WDFY2: variants seen among roughly 807,000 people sequenced by gnomAD.
WDFY2 encodes WD repeat and FYVE domain containing 2.
In WDFY2, 36 loss-of-function variants were observed where a neutral mutation model predicts 56.4. The observed-to-expected ratio is 0.64, with a 90% confidence interval of 0.49 to 0.84. WDFY2 has a LOEUF of 0.84. WDFY2 is among the 40% of genes least tolerant of loss of function. The probability of loss-of-function intolerance (pLI) is 0.00; values close to 1 mark genes in which losing one functional copy is unlikely to be tolerated. For missense variants in WDFY2, 444 were observed against 512.2 expected (o/e 0.87, Z 1.29); for synonymous variants, 176 against 183.7 (o/e 0.96, Z 0.34).
intron 1 of WDFY2, among the ~76,000 whole-genome samples, chr13:51,650,440 T>TC (rs1469112020): frequency 1.3e-5 from 2 of 152,170 alleles, no homozygotes; most frequent in Non-Finnish European, 2.9e-5. Flanking sequence ...GGCCAGAACT[T>TC]CAACACTATG....
chr13:51,627,128 C>G (rs1954849787), intron 1 of WDFY2, among the ~76,000 whole-genome samples: 1 of 152,164 alleles, frequency 6.6e-6, no homozygotes, highest in South Asian at 2.1e-4. Flanking sequence ...GCACCTGTGT[C>G]CAGATGAGGG....
intron 4 of WDFY2, among the ~76,000 whole-genome samples, chr13:51,704,767 A>G (rs1248853567): frequency 6.6e-6 from 1 of 152,214 alleles, no homozygotes; most frequent in Non-Finnish European, 1.5e-5. Flanking sequence ...AAATATATGC[A>G]ATTATTATTT....
At chr13:51,642,745 A>G (rs1490680729) in intron 1 of WDFY2, among the ~76,000 whole-genome samples, 2 of 145,744 alleles carry the variant, frequency 1.4e-5, no homozygotes, top group African/African-American at 2.6e-5. Flanking sequence ...CAGTGGTGCA[A>G]TCTCACCTCA....
intron 7 of WDFY2, among the ~76,000 whole-genome samples, chr13:51,746,816 G>C (rs558693183): frequency 3.9e-5 from 6 of 152,284 alleles, no homozygotes; most frequent in Non-Finnish European, 7.4e-5. Context: ...CAGTATTCCA[G>C]ACAAATAACC....
intron 6 of WDFY2, among the ~76,000 whole-genome samples, chr13:51,737,947 T>C (rs149299074): frequency 8.3e-4 from 127 of 152,350 alleles, no homozygotes; most frequent in African/African-American, 2.9e-3. Context: ...ATAGTAGAGT[T>C]TGGGGTTCCC....
intron 1 of WDFY2, among the ~76,000 whole-genome samples, chr13:51,633,594 A>G (rs548173819): frequency 2.6e-5 from 4 of 152,076 alleles, no homozygotes; most frequent in Non-Finnish European, 5.9e-5. Flanking sequence ...AGCTCTTCTC[A>G]AGGGGTCACT....
chr13:51,682,151 A>G lies in WDFY2; in HGVS notation c.279+6908A>G, dbSNP rs531833879. ...TTTGAATTAGGTACTGAAGAGATTC[A>G]GTAGAGTGAGTGGTGGATTGAAGTC... On this transcript the variant is annotated intron_variant, in intron 3 of 11. Coordinates refer to ENST00000298125, the MANE Select transcript of WDFY2 (RefSeq NM_052950.4). Among the ~76,000 whole-genome samples the G allele has an allele frequency of 7.2e-5, 11 of 152,326 alleles. No homozygotes were observed. The South Asian group carries it at 2.3e-3, about 32-fold the overall frequency.
At chr13:51,755,646 G>A (rs562710303) in intron 9 of WDFY2, among the ~76,000 whole-genome samples, 187 bp downstream of exon 9, 1 of 152,294 alleles carries the variant, frequency 6.6e-6, no homozygotes, top group East Asian at 1.9e-4. Flanking sequence ...TTCAGTTTCT[G>A]TAGTGGTTGG....
intron 1 of WDFY2, among the ~76,000 whole-genome samples, chr13:51,651,855 G>T (rs1348374328): frequency 6.6e-6 from 1 of 152,196 alleles, no homozygotes; most frequent in Non-Finnish European, 1.5e-5. Context: ...GTGGTGTGGT[G>T]CTGAGAAGAA....
intron 3 of WDFY2, among the ~76,000 whole-genome samples, chr13:51,697,804 A>G (rs1951906712): frequency 6.6e-6 from 1 of 152,220 alleles, no homozygotes; most frequent in African/African-American, 2.4e-5. Flanking sequence ...GCTACAAAAC[A>G]TCATCAGTAG....
chr13:51,652,489 C>A (rs1397092830), intron 1 of WDFY2, among the ~76,000 whole-genome samples: 6 of 152,214 alleles, frequency 3.9e-5, no homozygotes, highest in Admixed American at 2.0e-4. Flanking sequence ...GATGCAGTTT[C>A]TTCCTAGCCT....
chr13:51,620,316 G>A (rs911445800), intron 1 of WDFY2, among the ~76,000 whole-genome samples: 1 of 152,112 alleles, frequency 6.6e-6, no homozygotes, highest in Non-Finnish European at 1.5e-5. Flanking sequence ...AGCTGCTCTG[G>A]CCTGTTGCCT....
intron 6 of WDFY2, among the ~76,000 whole-genome samples, chr13:51,729,906 GTCA>G (rs1952686453): frequency 6.6e-6 from 1 of 152,124 alleles, no homozygotes; most frequent in South Asian, 2.1e-4. Context: ...CTGTTGTGCA[GTCA>G]TCACCATCCA....
rs563003394 is a variant in WDFY2, at chr13:51,672,708, A to G, written c.206-2462A>G. The stretch of plus-strand genomic sequence containing the variant: ...GGATATGTTTCCATTTGTTTGTGTC[A>G]TCTGTGATTTCTTTCAGCAGTGTTT... On this transcript the variant is annotated intron_variant, in intron 2 of 11. Coordinates refer to ENST00000298125, the MANE Select transcript of WDFY2 (RefSeq NM_052950.4). Among the ~76,000 whole-genome samples, 5 of 152,210 alleles carry G rather than the reference A, an allele frequency of 3.3e-5. No homozygotes were observed. The East Asian group carries it at 7.7e-4, about 23-fold the overall frequency.
At chr13:51,682,077 C>T (rs1446580490) in intron 3 of WDFY2, among the ~76,000 whole-genome samples, 1 of 152,084 alleles carries the variant, frequency 6.6e-6, no homozygotes, top group Non-Finnish European at 1.5e-5. Context: ...GACTTTTAGA[C>T]CAGTTCTGTA....
At chr13:51,722,819 A>G (rs1952521088) in intron 5 of WDFY2, among the ~76,000 whole-genome samples, 1 of 152,194 alleles carries the variant, frequency 6.6e-6, no homozygotes, top group Admixed American at 6.5e-5. Context: ...AGTAAATAGA[A>G]ATGTGTTCCT....
rs539956513 is a variant in WDFY2 at position 51,662,555 on chromosome 13, C to G, written c.205+1892C>G. Among the ~76,000 whole-genome samples the G allele has an allele frequency of 1.3e-3, 194 of 152,262 alleles. 1 individual carries two copies. The highest frequency in any genetic ancestry group is 4.4e-3 in the African/African-American group (184 of 41,560). On this transcript the variant is annotated intron_variant, in intron 2 of 11. Transcript: ENST00000298125. Reference sequence around the variant, plus strand: ...CTAATTGCTAACTCATTCCCTTTCCCCTATACAAATACACATACATTTTGG... The same window carrying G: ...CTAATTGCTAACTCATTCCCTTTCCGCTATACAAATACACATACATTTTGG...
intron 1 of WDFY2, among the ~76,000 whole-genome samples, chr13:51,595,502 C>T (rs779940683): frequency 1.3e-5 from 2 of 152,158 alleles, no homozygotes; most frequent in African/African-American, 2.4e-5. Context: ...TTATCGCCTG[C>T]AGACCCCTTG....
At chr13:51,643,215 T>G (rs1161803178) in intron 1 of WDFY2, among the ~76,000 whole-genome samples, 1 of 152,164 alleles carries the variant, frequency 6.6e-6, no homozygotes, top group Non-Finnish European at 1.5e-5. Context: ...CAAGCGGAAA[T>G]TCTGTATCCA....
Sources: allele counts gnomAD v4.1 joint callset (sites outside exome capture counted in the v4.1 genomes callset), GRCh38; gene constraint gnomAD v4.1.1; transcripts MANE v1.5; gene names NCBI Gene and HGNC (gene_info 2026-07-23, HGNC 2026-07-21).